Variants in STK3 observed in about 807,000 individuals in gnomAD.
The protein encoded by STK3 is serine/threonine kinase 3, also known as serine/threonine-protein kinase 3.
A neutral mutation model predicts 58.0 loss-of-function variants in STK3; 41 were observed. The observed-to-expected ratio is 0.71, with a 90% CI of 0.55 to 0.92. The LOEUF (loss-of-function observed/expected upper bound fraction) is 0.92, where lower values mean the gene tolerates loss of function less well. Among genes scored for constraint, STK3 ranks in the 40% least tolerant of loss-of-function variants. The pLI, the probability that STK3 is intolerant of heterozygous loss-of-function variation, is 0.00. For missense variants in STK3, 479 were observed against 602.7 expected (o/e 0.79, Z 2.15); for synonymous variants, 170 against 191.0 (o/e 0.89, Z 0.91).
intron 6 of STK3, among the ~76,000 whole-genome samples, chr8:98,635,233 T>G (rs1356728304): frequency 6.6e-6 from 1 of 152,222 alleles, no homozygotes. Context: ...ATGCTTTAAT[T>G]ATGTAACTTT....
chr8:98,554,166 G>A (rs946381959), intron 8 of STK3, among the ~76,000 whole-genome samples: 2 of 152,060 alleles, frequency 1.3e-5, no homozygotes, highest in Non-Finnish European at 2.9e-5. Context: ...CATTTCTCAA[G>A]CCCCATTTAA....
chr8:98,878,417 T>G (rs1022286629), intron 3 of STK3, among the ~76,000 whole-genome samples: 9 of 152,224 alleles, frequency 5.9e-5, no homozygotes, highest in African/African-American at 2.2e-4. Flanking sequence ...GCAACCTTTT[T>G]GGATTAACTG....
chr8:98,477,477 A>G (rs1195747397), intron 10 of STK3, among the ~76,000 whole-genome samples: 1 of 151,326 alleles, frequency 6.6e-6, no homozygotes, highest in Non-Finnish European at 1.5e-5. Flanking sequence ...TGCACCCTCA[A>G]TGTCCGTGTT....
intron 6 of STK3, among the ~76,000 whole-genome samples, chr8:98,596,877 A>C (rs562019831): frequency 1.3e-5 from 2 of 152,226 alleles, no homozygotes; most frequent in East Asian, 1.9e-4. Context: ...TGACCCAAGA[A>C]GTAGATTAAA....
At chr8:98,619,114 G>C (rs1818030158) in intron 6 of STK3, among the ~76,000 whole-genome samples, 1 of 150,632 alleles carries the variant, frequency 6.6e-6, no homozygotes, top group South Asian at 2.1e-4. Flanking sequence ...TACCAAAACA[G>C]AGATATAGAT....
At chr8:98,605,006 CAGTTCCCAGTA>C (rs1389456263) in intron 6 of STK3, among the ~76,000 whole-genome samples, 2 of 152,196 alleles carry the variant, frequency 1.3e-5, no homozygotes, top group African/African-American at 4.8e-5. Context: ...ACATTTGCTC[CAGTTCCCAGTA>C]AGTTCCTCAT....
chr8:98,717,492 C>T (rs1051262014), intron 4 of STK3, among the ~76,000 whole-genome samples: 8 of 151,910 alleles, frequency 5.3e-5, no homozygotes, highest in Non-Finnish European at 8.8e-5. Context: ...CCCATTATGA[C>T]GGCTATTATC....
rs560060044 is a variant in STK3 at position 98,778,159 on chromosome 8, C to T, written c.27-3340G>A. 8.6e-3 allele frequency among the ~76,000 whole-genome samples: 1,313 copies of T among 152,196 alleles called. 10 individuals carry two copies. The highest frequency in any genetic ancestry group is 0.03 in the African/African-American group (1,235 of 41,496). On this transcript the variant is annotated intron_variant, in intron 1 of 10. Transcript: ENST00000419617. ...ACAAAGGGCTAATATCCAGAATCTACGATGAACTCAAACAAATTTACAAGA... is the reference window on the plus strand; with the variant it reads ...ACAAAGGGCTAATATCCAGAATCTATGATGAACTCAAACAAATTTACAAGA...
chr8:98,397,756 C>T, downstream of STK3, among the ~76,000 whole-genome samples: 1 of 151,954 alleles, frequency 6.6e-6, no homozygotes, highest in Non-Finnish European at 1.5e-5. Flanking sequence ...GCGGTTTCTC[C>T]CATGCTGTTC....
At chr8:98,519,124 A>C (rs1825163730) in intron 10 of STK3, among the ~76,000 whole-genome samples, 1 of 152,158 alleles carries the variant, frequency 6.6e-6, no homozygotes, top group South Asian at 2.1e-4. Context: ...ACTCAACTGA[A>C]GTGGTTTCCT....
At chr8:98,792,494 C>T (rs1292706062) in intron 1 of STK3, among the ~76,000 whole-genome samples, 1 of 152,038 alleles carries the variant, frequency 6.6e-6, no homozygotes, top group Non-Finnish European at 1.5e-5. Context: ...GTTGGGAGTT[C>T]GAGACCAGGC....
chr8:98,378,842 T>C (rs1013366560), intron 2 of STK3, among the ~76,000 whole-genome samples: 9 of 152,204 alleles, frequency 5.9e-5, no homozygotes, highest in African/African-American at 2.2e-4. Flanking sequence ...TCCCTCATCA[T>C]GAAGCATCTC....
intron 6 of STK3, among the ~76,000 whole-genome samples, chr8:98,677,016 A>G (rs72666678): frequency 0.032 from 4,829 of 152,294 alleles, 98 homozygotes; most frequent in South Asian, 0.061. Context: ...CAACCATATA[A>G]AATGCTTGAT....
chr8:98,700,544 C>A (rs1326331839), intron 6 of STK3, among the ~76,000 whole-genome samples: 1 of 152,036 alleles, frequency 6.6e-6, no homozygotes, highest in Non-Finnish European at 1.5e-5. Flanking sequence ...TCTTAATTTA[C>A]TCTTAAACAG....
chr8:98,897,138 T>C (rs574030819), intron 1 of STK3, among the ~76,000 whole-genome samples: 13 of 152,270 alleles, frequency 8.5e-5, no homozygotes, highest in Non-Finnish European at 1.3e-4. Context: ...AGCATCCACA[T>C]AGCAGGCATG....
At chr8:98,812,882 G>GT (rs1834313053) in intron 1 of STK3, among the ~76,000 whole-genome samples, 1 of 152,156 alleles carries the variant, frequency 6.6e-6, no homozygotes. Context: ...ACCAGGGCCT[G>GT]TTGTAGGGTG....
At chr8:98,715,899 T>C (rs1826969848) in intron 4 of STK3, among the ~76,000 whole-genome samples, 2 of 152,188 alleles carry the variant, frequency 1.3e-5, no homozygotes, top group Admixed American at 6.5e-5. Context: ...CCAACAATGA[T>C]AGACTGGATT....
rs983584646 is a variant in STK3 at position 98,379,996 on chromosome 8, A to G, written n.57-789T>C. 2.0e-5 allele frequency among the ~76,000 whole-genome samples: 3 copies of G among 152,244 alleles called. No individual in the cohort carries two copies. The South Asian group carries it at 6.2e-4, about 32-fold the overall frequency. On this transcript the variant is annotated intron_variant and non_coding_transcript_variant, in intron 1 of 2. Transcript: ENST00000518704. Reference sequence around the variant, plus strand: ...AAAGGAGGAAATTTCACAATATGGGACAACATGGATGAATCTTGAGGACAC... The same window carrying G: ...AAAGGAGGAAATTTCACAATATGGGGCAACATGGATGAATCTTGAGGACAC...
At chr8:98,466,603 C>G (rs1820482614) in intron 10 of STK3, among the ~76,000 whole-genome samples, 2 of 152,114 alleles carry the variant, frequency 1.3e-5, no homozygotes, top group South Asian at 4.1e-4. Context: ...GTGCTGGGAG[C>G]AGGAAGGAGA....
Sources: allele counts gnomAD v4.1 joint callset (sites outside exome capture counted in the v4.1 genomes callset), GRCh38; gene constraint gnomAD v4.1.1; transcripts MANE v1.5; gene names NCBI Gene and HGNC (gene_info 2026-07-23, HGNC 2026-07-21).